GSG1L: variants seen among roughly 807,000 people sequenced by gnomAD.
GSG1L encodes germ cell-specific gene 1-like protein.
A neutral mutation model predicts 42.1 loss-of-function variants in GSG1L; 24 were observed. The ratio of observed to expected loss-of-function variants is 0.57; its 90% CI spans 0.41 to 0.80. The LOEUF (loss-of-function observed/expected upper bound fraction) is 0.80, where lower values mean the gene tolerates loss of function less well. Ranked by LOEUF, GSG1L falls within the 30% of genes least tolerant of loss-of-function variation. The probability of loss-of-function intolerance (pLI) is 0.00; values close to 1 mark genes in which losing one functional copy is unlikely to be tolerated. For synonymous variants in GSG1L, 215 were observed against 203.5 expected (o/e 1.06, Z -0.48); for missense variants, 445 against 472.2 (o/e 0.94, Z 0.53).
intron 1 of GSG1L, among the ~76,000 whole-genome samples, chr16:28,011,312 G>A (rs1254490398): frequency 6.6e-6 from 1 of 152,220 alleles, no homozygotes; most frequent in Non-Finnish European, 1.5e-5. Context: ...CGCCTGCAGG[G>A]CATCCTCCGC....
chr16:27,815,430 A>G (rs1317991936), intron 5 of GSG1L, among the ~76,000 whole-genome samples: 1 of 152,194 alleles, frequency 6.6e-6, no homozygotes, highest in Non-Finnish European at 1.5e-5. Flanking sequence ...CTTCTTGTAG[A>G]GCCTGCAGAA....
At chr16:27,912,009 A>G (rs2084397600) in intron 2 of GSG1L, among the ~76,000 whole-genome samples, 1 of 152,114 alleles carries the variant, frequency 6.6e-6, no homozygotes, top group Non-Finnish European at 1.5e-5. Context: ...ATTCCTTAAC[A>G]TTTGTTGAAT....
intron 2 of GSG1L, among the ~76,000 whole-genome samples, chr16:27,942,660 A>G (rs1452701150): frequency 6.6e-6 from 1 of 152,256 alleles, no homozygotes; most frequent in East Asian, 1.9e-4. Context: ...AAACACAAAA[A>G]GATGTTCAAC....
At chr16:27,838,326 G>A (rs1174318271) in intron 4 of GSG1L, among the ~76,000 whole-genome samples, 1 of 152,220 alleles carries the variant, frequency 6.6e-6, no homozygotes, top group African/African-American at 2.4e-5. Flanking sequence ...CTATATCCAT[G>A]AGCCTTCATC....
At chr16:27,995,018 T>A (rs1596683817) in intron 1 of GSG1L, among the ~76,000 whole-genome samples, 1 of 152,100 alleles carries the variant, frequency 6.6e-6, no homozygotes, top group Non-Finnish European at 1.5e-5. Context: ...GCAGCCAAAG[T>A]TTCCCCCTCC....
chr16:27,835,533 C>A (rs2083313296), intron 4 of GSG1L, among the ~76,000 whole-genome samples: 1 of 151,976 alleles, frequency 6.6e-6, no homozygotes, highest in South Asian at 2.1e-4. Context: ...CTTAGGCCTG[C>A]CACCTAATTT....
intron 1 of GSG1L, among the ~76,000 whole-genome samples, chr16:28,039,800 A>T (rs568294183): frequency 1.3e-4 from 20 of 152,208 alleles, no homozygotes; most frequent in African/African-American, 4.3e-4. Context: ...ACATACGCAC[A>T]CAGGCACATG....
chr16:27,788,701 C>T lies in GSG1L; in HGVS notation c.*2669G>A, dbSNP rs2082719048. 6.6e-6 allele frequency: 1 copy of T among 152,272 alleles called. No homozygotes were observed. Among genetic ancestry groups the T allele is most frequent in the Admixed American group, 6.5e-5 (1 of 15,286 alleles). The allele number at this position is 152,272 out of a possible 1,614,324, so 9.4% of individuals were successfully genotyped here. ...ACTACAGCTCCCACAGCCCCGATTT[C>T]CCCTTGTTGTCCTGTTAGTAAACAC... On this transcript the variant is annotated 3_prime_UTR_variant, in exon 7 of 7. Coordinates refer to ENST00000447459, the MANE Select transcript of GSG1L (RefSeq NM_001109763.2).
chr16:28,057,239 C>T (rs777197469), intron 1 of GSG1L, among the ~76,000 whole-genome samples: 4 of 152,036 alleles, frequency 2.6e-5, no homozygotes, highest in South Asian at 4.1e-4. Flanking sequence ...CTCCAGCCAC[C>T]GGGTGGAGAA....
At chr16:28,052,166 T>C (rs1478116186) in intron 1 of GSG1L, among the ~76,000 whole-genome samples, 2 of 151,952 alleles carry the variant, frequency 1.3e-5, no homozygotes, top group East Asian at 3.9e-4. Context: ...ATTGGAAAGA[T>C]GGAGCTGTCT....
chr16:27,947,425 A>G (rs1401591193), intron 2 of GSG1L, among the ~76,000 whole-genome samples: 3 of 144,940 alleles, frequency 2.1e-5, no homozygotes, highest in Non-Finnish European at 4.6e-5. Context: ...AGAAAGAAAG[A>G]AAGAGAAGGA....
chr16:28,031,655 T>C (rs952728291), intron 1 of GSG1L, among the ~76,000 whole-genome samples: 1 of 152,186 alleles, frequency 6.6e-6, no homozygotes, highest in African/African-American at 2.4e-5. Flanking sequence ...TGGCCTAGAA[T>C]TTTCTGCCTA....
chr16:27,884,788 G>A lies in GSG1L; in HGVS notation c.398-150C>T. On this transcript the variant is annotated intron_variant, in intron 2 of 6. Transcript: ENST00000447459. This position sits in a 1 kb window ranked among gnomAD's most constrained non-coding sequence, Gnocchi z 4.4. ...GAGGTCCTGATGGAAGCCTGTCATGGCCGTCCCATCCTTGTCTGCAGGGGC... is the reference window on the plus strand; with the variant it reads ...GAGGTCCTGATGGAAGCCTGTCATGACCGTCCCATCCTTGTCTGCAGGGGC... 1.3e-6 allele frequency: 1 copy of A among 747,548 alleles called. No homozygotes were observed. Among genetic ancestry groups the A allele is most frequent in the South Asian group, 2.2e-5 (1 of 45,368 alleles). 46.3% of individuals were successfully genotyped at this position (747,548 alleles called of 1,614,324 possible).
chr16:27,837,699 C>T (rs1415507747), intron 4 of GSG1L, among the ~76,000 whole-genome samples: 4 of 152,232 alleles, frequency 2.6e-5, no homozygotes, highest in African/African-American at 9.6e-5. Flanking sequence ...TCTAACCACT[C>T]ATTCCCTTCC....
At chr16:27,867,257 C>T (rs1346480009) in intron 3 of GSG1L, among the ~76,000 whole-genome samples, 1 of 152,162 alleles carries the variant, frequency 6.6e-6, no homozygotes, top group Admixed American at 6.6e-5. Context: ...AGTGCTTATG[C>T]AGGCAGGCAC....
At chr16:27,836,771 T>C (rs1182554653) in intron 4 of GSG1L, among the ~76,000 whole-genome samples, 2 of 152,234 alleles carry the variant, frequency 1.3e-5, no homozygotes, top group African/African-American at 4.8e-5. Flanking sequence ...CAACTGCTTG[T>C]TGAAGCATTT....
intron 1 of GSG1L, among the ~76,000 whole-genome samples, chr16:28,051,937 G>A (rs2086226157): frequency 6.6e-6 from 1 of 152,196 alleles, no homozygotes; most frequent in Non-Finnish European, 1.5e-5. Context: ...TGACCAGTGA[G>A]TGGGATGCTG....
chr16:27,931,602 C>A (rs756664928), intron 2 of GSG1L, among the ~76,000 whole-genome samples: 2 of 152,224 alleles, frequency 1.3e-5, no homozygotes, highest in Admixed American at 6.5e-5. Flanking sequence ...GATATGGGAA[C>A]TTTAAGCAGT....
intron 1 of GSG1L, among the ~76,000 whole-genome samples, chr16:28,011,823 G>A (rs1437377515): frequency 1.3e-5 from 2 of 152,132 alleles, no homozygotes; most frequent in South Asian, 2.1e-4. Flanking sequence ...CTTCTATTTC[G>A]CTTAAGCCGC....
Sources: allele counts gnomAD v4.1 joint callset (sites outside exome capture counted in the v4.1 genomes callset), GRCh38; gene constraint gnomAD v4.1.1; non-coding constraint Gnocchi (gnomAD v3.1); transcripts MANE v1.5; gene names NCBI Gene and HGNC (gene_info 2026-07-23, HGNC 2026-07-21).